The following GPR137B variants were observed in gnomAD, a reference collection of about 807,000 sequenced individuals.
GPR137B encodes G protein-coupled receptor 137B.
GPR137B carries 42 observed loss-of-function variants against 42.5 expected under a neutral mutation model. The ratio of observed to expected loss-of-function variants is 0.99; its 90% CI spans 0.77 to 1.28. The LOEUF is 1.28. Ranked by LOEUF, GPR137B falls within the 50% of genes most tolerant of loss-of-function variation. GPR137B has a pLI of 0.00. For missense variants in GPR137B, 487 were observed against 493.9 expected, an observed-to-expected ratio of 0.99 and a Z score of 0.13; for synonymous variants, 218 against 209.7, an observed-to-expected ratio of 1.04 and a Z score of -0.34.
At chr1:236,207,289 G>GTGC (rs1333438297) in intron 6 of GPR137B, 2 of 985,184 alleles carry the variant, frequency 2.0e-6, no homozygotes, top group African/African-American at 3.5e-5. Flanking sequence ...ACGTAAGCTG[G>GTGC]AAGCAAGCCA....
intron 1 of GPR137B, among the ~76,000 whole-genome samples, chr1:236,149,450 G>C (rs867443873): frequency 2.0e-5 from 3 of 152,212 alleles, no homozygotes; most frequent in Admixed American, 6.5e-5. Context: ...GTGGGTCATA[G>C]TCCTCATTCT....
chr1:236,191,122 T>G (rs1250227302), intron 5 of GPR137B, among the ~76,000 whole-genome samples: 1 of 152,170 alleles, frequency 6.6e-6, no homozygotes, highest in Non-Finnish European at 1.5e-5. Flanking sequence ...TTCTTCCACT[T>G]GATCGATTTG....
intron 1 of GPR137B, among the ~76,000 whole-genome samples, chr1:236,164,589 AG>A (rs1662293435): frequency 6.6e-6 from 1 of 152,262 alleles, no homozygotes; most frequent in Non-Finnish European, 1.5e-5. Flanking sequence ...ACCAGTCTTT[AG>A]CAAAGTCTCT....
intron 1 of GPR137B, among the ~76,000 whole-genome samples, chr1:236,166,011 G>C (rs984962478): frequency 6.6e-6 from 1 of 152,206 alleles, no homozygotes; most frequent in Non-Finnish European, 1.5e-5. Context: ...TAATCCAGGC[G>C]TGCTGGACTG....
At chr1:236,166,040 A>C (rs923970020) in intron 1 of GPR137B, among the ~76,000 whole-genome samples, 1 of 152,232 alleles carries the variant, frequency 6.6e-6, no homozygotes, top group Non-Finnish European at 1.5e-5. Context: ...ACCGCTTGGT[A>C]AACCCCACTA....
chr1:236,187,479 C>T (rs1663067371), intron 5 of GPR137B, among the ~76,000 whole-genome samples: 1 of 152,102 alleles, frequency 6.6e-6, no homozygotes, highest in African/African-American at 2.4e-5. Flanking sequence ...ACGTTTAAGT[C>T]TTTAATCCAT....
rs1352847466 is a variant in GPR137B, at chr1:236,205,899, AATCTCCAAGAGGG to A, written c.1091+651_1091+663del. Among the ~76,000 whole-genome samples, 3 of 152,226 alleles carry A rather than the reference AATCTCCAAGAGGG, an allele frequency of 2.0e-5. No homozygotes were observed. The East Asian group carries it at 5.8e-4, about 29-fold the overall frequency. On this transcript the variant is annotated intron_variant, in intron 6 of 6. Coordinates refer to ENST00000366592, the MANE Select transcript of GPR137B (RefSeq NM_003272.4). ...CTGTAATATGCTAATGTGTGCTCTG[AATCTCCAAGAGGG>A]AAATACAGCACTTGTCTATGGAATC...
intron 4 of GPR137B, 57 bp from the exon 5 acceptor site, chr1:236,183,721 A>T: frequency 7.5e-7 from 1 of 1,335,232 alleles, no homozygotes; most frequent in Non-Finnish European, 1.1e-6. Flanking sequence ...GAAAGAAACA[A>T]TCAAATTTAT....
rs559999722 is a variant in GPR137B, at chr1:236,166,104, A to T, written c.415-2602A>T. On this transcript the variant is annotated intron_variant, in intron 1 of 6. Transcript: ENST00000366592. Reference sequence around the variant, plus strand: ...ATATTGAACGGGTCAAACATTTTTTAAAAAATTCTGTAGTTTCTTCTTCTC... The same window carrying T: ...ATATTGAACGGGTCAAACATTTTTTTAAAAATTCTGTAGTTTCTTCTTCTC... Among the ~76,000 whole-genome samples, 68 of 152,346 alleles carry T rather than the reference A, an allele frequency of 4.5e-4. 1 individual carries two copies. The East Asian group carries it at 5.8e-3, about 13-fold the overall frequency.
intron 1 of GPR137B, among the ~76,000 whole-genome samples, chr1:236,157,488 C>T (rs981278269): frequency 6.6e-6 from 1 of 152,216 alleles, no homozygotes; most frequent in Non-Finnish European, 1.5e-5. Flanking sequence ...TCCCAAAGTG[C>T]TGGGATTACA....
At position 236,174,755 on chromosome 1, in the gene GPR137B, G is replaced by A. The variant is rs1264135506; in HGVS notation, c.465-3659G>A. ...CTAGCTACTCAGGAGGCTGAAGTGG[G>A]AGAATCGCTCGAGCCCAGGAGTTCA... is the stretch of plus-strand genomic sequence containing the variant. On this transcript the variant is annotated intron_variant, in intron 2 of 6. Transcript: ENST00000366592. Among the ~76,000 whole-genome samples, 3 of 152,294 alleles carry A rather than the reference G, an allele frequency of 2.0e-5. No homozygotes were observed. The East Asian group carries it at 5.8e-4, about 29-fold the overall frequency.
chr1:236,180,026 C>A lies in GPR137B; in HGVS notation c.835C>A (p.Gln279Lys). Residue 279 changes from glutamine to lysine, a missense_variant and splice_region_variant, in exon 4 of 7, where the codon CAG becomes AAG. Transcript: ENST00000366592. Reference sequence around the variant, plus strand: ...TTATGACTGGTACAATGTATCAGACCAGGTCAGTGGGGGCGCTGAGGAGGT... The same window carrying A: ...TTATGACTGGTACAATGTATCAGACAAGGTCAGTGGGGGCGCTGAGGAGGT... ...FDYDWYNVSD[Q>K]ADLKNQLGDA... 6.2e-7 allele frequency: 1 copy of A among 1,613,054 alleles called. No individual in the cohort carries two copies. The highest frequency in any genetic ancestry group is 8.5e-7 in the Non-Finnish European group (1 of 1,179,112).
intron 5 of GPR137B, among the ~76,000 whole-genome samples, chr1:236,195,261 G>A (rs538792612): frequency 5.5e-5 from 8 of 144,604 alleles, no homozygotes; most frequent in African/African-American, 1.8e-4. Flanking sequence ...CTCTCCCCCC[G>A]CCACTACCCT....
chr1:236,154,332 C>A (rs1316258743), intron 1 of GPR137B, among the ~76,000 whole-genome samples: 1 of 152,124 alleles, frequency 6.6e-6, no homozygotes, highest in Non-Finnish European at 1.5e-5. Flanking sequence ...CGTCATCCGT[C>A]CCCCGAGGAC....
At chr1:236,159,970 T>C (rs1662141366) in intron 1 of GPR137B, among the ~76,000 whole-genome samples, 1 of 152,200 alleles carries the variant, frequency 6.6e-6, no homozygotes, top group Non-Finnish European at 1.5e-5. Context: ...CTCCCAGCCG[T>C]GGCTCAGCCT....
rs1349793087 is a variant in GPR137B, at chr1:236,151,417, CATTT to C, written c.414+8382_414+8385del. ...CCACATATGGTCTCTGTTGCATATT[CATTT>C]TTTTTTTTTTTTTTTTTTTTTGAGA... On this transcript the variant is annotated intron_variant, in intron 1 of 6. Coordinates refer to ENST00000366592, the MANE Select transcript of GPR137B (RefSeq NM_003272.4). Among the ~76,000 whole-genome samples the C allele has an allele frequency of 8.7e-5, 11 of 126,608 alleles. 2 individuals carry two copies. Among genetic ancestry groups the C allele is most frequent in the African/African-American group, 3.3e-4 (11 of 32,974 alleles). The allele number at this position is 126,608 out of a possible 152,430, so 83.1% of individuals were successfully genotyped here.
At chr1:236,147,979 CTACCTGTTG>C (rs779014821) in intron 1 of GPR137B, among the ~76,000 whole-genome samples, 4 of 152,214 alleles carry the variant, frequency 2.6e-5, no homozygotes, top group Non-Finnish European at 4.4e-5. Context: ...GGAGTGCTGA[CTACCTGTTG>C]TTTCCAGCTG....
intron 1 of GPR137B, among the ~76,000 whole-genome samples, chr1:236,166,493 C>CAT (rs1030887255): frequency 0.034 from 4,695 of 136,918 alleles, 374 homozygotes; most frequent in African/African-American, 0.13. Context: ...TTTATATATA[C>CAT]ATATATATAT....
chr1:236,165,162 C>A (rs1558483322), intron 1 of GPR137B, among the ~76,000 whole-genome samples: 1 of 152,226 alleles, frequency 6.6e-6, no homozygotes, highest in Non-Finnish European at 1.5e-5. Flanking sequence ...GCCTCAGCCT[C>A]TGAAAGTGCT....
Sources: allele counts gnomAD v4.1 joint callset (sites outside exome capture counted in the v4.1 genomes callset), GRCh38; gene constraint gnomAD v4.1.1; transcripts MANE v1.5; gene names NCBI Gene and HGNC (gene_info 2026-07-23, HGNC 2026-07-21).